CPLANE1: variants seen among roughly 807,000 people sequenced by gnomAD.
CPLANE1 encodes the protein ciliogenesis and planar polarity effector complex subunit 1.
CPLANE1 carries 263 observed loss-of-function variants against 362.5 expected under a neutral mutation model. The observed-to-expected ratio is 0.73, with a 90% CI of 0.66 to 0.80. CPLANE1 has a LOEUF of 0.80. Ranked by LOEUF, CPLANE1 falls within the 30% of genes least tolerant of loss-of-function variation. The pLI, the probability that CPLANE1 is intolerant of heterozygous loss-of-function variation, is 0.00. For missense variants in CPLANE1, 3,461 were observed against 3,793.4 expected, an observed-to-expected ratio of 0.91 and a Z score of 2.30; for synonymous variants, 1,212 against 1,302.6, an observed-to-expected ratio of 0.93 and a Z score of 1.50.
Position 37,187,405 on chromosome 5 carries a change from G to A in CPLANE1, c.4080+9C>T, listed in dbSNP as rs1784377180. 6.2e-7 allele frequency: 1 copy of A among 1,601,666 alleles called. No individual in the cohort carries two copies. The highest frequency in any genetic ancestry group is 1.7e-5 in the Admixed American group (1 of 57,316). Reference sequence around the variant, plus strand: ...TGATGTAGTTTACTTTCACCTACAAGCACATTACCTTTCTGATTGGTGGCA... The same window carrying A: ...TGATGTAGTTTACTTTCACCTACAAACACATTACCTTTCTGATTGGTGGCA... On this transcript the variant is annotated intron_variant, in intron 23 of 52. Transcript: ENST00000651892.
At chr5:37,244,094 C>T (rs911442651) in intron 5 of CPLANE1, among the ~76,000 whole-genome samples, 7 of 152,036 alleles carry the variant, frequency 4.6e-5, no homozygotes, top group Non-Finnish European at 1.0e-4. Flanking sequence ...AGGTGATCCA[C>T]CCGCCTCAGC....
intron 32 of CPLANE1, among the ~76,000 whole-genome samples, chr5:37,172,624 C>T (rs1292247175): frequency 1.3e-5 from 2 of 152,166 alleles, no homozygotes; most frequent in Non-Finnish European, 2.9e-5. Context: ...AAATTAGTTT[C>T]AGTAAGTTTC....
rs886041152 is a variant in CPLANE1 at position 37,169,035 on chromosome 5, T to C, written c.6989A>G (p.Gln2330Arg). The change falls in exon 34 of 53, where the codon CAG becomes CGG. Residue 2330 changes from glutamine to arginine, a missense_variant. By Grantham distance (43) the Gln-to-Arg change is conservative. Around this residue, in one of 2 missense-constraint regions of CPLANE1, gnomAD observed 3,380 missense variants for 3,666.1 expected, o/e 0.92. Transcript: ENST00000651892. The part of the protein sequence containing the change: ...YVGQENLTPQ[Q>R]DSSVFIKPEK... ...TGGTTTTATAAACACTGAAGAGTCC[T>C]GTTGAGGTGTCAAATTTTCTTGTCC... The C allele has an allele frequency of 1.9e-5, 30 of 1,614,078 alleles. No individual in the cohort carries two copies. The highest frequency in any genetic ancestry group is 2.5e-5 in the Non-Finnish European group (29 of 1,180,030).
At chr5:37,154,436 C>A (rs1429618116) in intron 41 of CPLANE1, among the ~76,000 whole-genome samples, 4 of 125,892 alleles carry the variant, frequency 3.2e-5, no homozygotes, top group African/African-American at 1.3e-4. Flanking sequence ...TCAGTTGATT[C>A]TTCTCCCAAA....
chr5:37,184,855 T>C lies in CPLANE1; in HGVS notation c.4414A>G (p.Ser1472Gly). The C allele has an allele frequency of 1.2e-6, 2 of 1,614,124 alleles. No individual in the cohort carries two copies. Among genetic ancestry groups the C allele is most frequent in the South Asian group, 1.1e-5 (1 of 91,078 alleles). ...LTELGDSVVH[S>G]DADTFSEALS... ...GCTTCAGAGAACGTATCTGCATCACTGTGAACCACAGAATCTCCTAGTTCT... is the reference window on the plus strand; with the variant it reads ...GCTTCAGAGAACGTATCTGCATCACCGTGAACCACAGAATCTCCTAGTTCT... Residue 1472 changes from serine to glycine, a missense_variant, in exon 25 of 53, where the codon AGT (serine) becomes GGT (glycine). Ser to Gly is a moderately conservative substitution (Grantham distance 56, BLOSUM62 0). Coordinates refer to ENST00000651892, the MANE Select transcript of CPLANE1 (RefSeq NM_001384732.1).
intron 21 of CPLANE1, among the ~76,000 whole-genome samples, chr5:37,191,041 C>A (rs1181832462): frequency 1.3e-5 from 2 of 151,988 alleles, no homozygotes; most frequent in African/African-American, 4.8e-5. Context: ...TAGAAGAAGG[C>A]ATTGTTATAA....
chr5:37,156,440 T>C (rs1775129625), intron 41 of CPLANE1, among the ~76,000 whole-genome samples: 1 of 151,988 alleles, frequency 6.6e-6, no homozygotes, highest in African/African-American at 2.4e-5. Context: ...CCTGTCTCTA[T>C]GAAAAATTTT....
chr5:37,170,461 T>C, intron 32 of CPLANE1, 130 bp from the exon 33 acceptor site: 1 of 996,960 alleles, frequency 1.0e-6, no homozygotes, highest in Non-Finnish European at 1.4e-6. Flanking sequence ...TCATGAATGC[T>C]GAGCAGGAGG....
chr5:37,208,549 C>T (rs958539717), intron 16 of CPLANE1, among the ~76,000 whole-genome samples: 69 of 152,128 alleles, frequency 4.5e-4, no homozygotes, highest in African/African-American at 1.6e-3. Flanking sequence ...AGGTGGTGGG[C>T]GCCTGTAGTC....
chr5:37,247,039 C>T (rs1242211660), intron 2 of CPLANE1, among the ~76,000 whole-genome samples: 2 of 152,240 alleles, frequency 1.3e-5, no homozygotes, highest in South Asian at 2.1e-4. Flanking sequence ...TTGAGAACTC[C>T]TGTTACAGGG....
At chr5:37,173,286 G>GAAAT (rs1780291512) in intron 32 of CPLANE1, among the ~76,000 whole-genome samples, 2 of 152,294 alleles carry the variant, frequency 1.3e-5, no homozygotes, top group Non-Finnish European at 2.9e-5. Context: ...GATAGTGTCA[G>GAAAT]CTGGAAAATA....
chr5:37,125,099 T>G, intron 47 of CPLANE1, 145 bp downstream of exon 47: 1 of 1,377,146 alleles, frequency 7.3e-7, no homozygotes, highest in South Asian at 1.6e-5. Context: ...TTTATTAACT[T>G]TTCCTGACTT....
At chr5:37,244,712 T>C (rs371179865) in intron 4 of CPLANE1, 105 bp from the exon 5 acceptor site, 32 of 750,020 alleles carry the variant, frequency 4.3e-5, no homozygotes, top group East Asian at 1.1e-4. Context: ...CAAATAATGT[T>C]ACCATTCAGG....
chr5:37,076,565 A>C, the CPLANE1 span, among the ~76,000 whole-genome samples: 4 of 151,866 alleles, frequency 2.6e-5, no homozygotes, highest in South Asian at 8.3e-4. Context: ...ACTCACCTCA[A>C]TCTCCCAAAG....
At chr5:37,126,537 A>C (rs541511060) in intron 46 of CPLANE1, among the ~76,000 whole-genome samples, 1 of 152,302 alleles carries the variant, frequency 6.6e-6, no homozygotes, top group Non-Finnish European at 1.5e-5. Flanking sequence ...GCTGCATCAT[A>C]GTCTGATGCT....
chr5:37,197,530 G>C (rs1018270134), intron 20 of CPLANE1, among the ~76,000 whole-genome samples: 5 of 152,188 alleles, frequency 3.3e-5, no homozygotes, highest in Non-Finnish European at 7.4e-5. Flanking sequence ...ATGTAGCCCC[G>C]CTGCCACCTT....
chr5:37,163,372 AG>A (rs968601094), intron 37 of CPLANE1, among the ~76,000 whole-genome samples: 4 of 152,184 alleles, frequency 2.6e-5, no homozygotes, highest in African/African-American at 7.2e-5. Context: ...AGAACATAGG[AG>A]GAAAAAACAG....
chr5:37,134,412 C>T (rs1580026099), intron 46 of CPLANE1, among the ~76,000 whole-genome samples: 1 of 152,150 alleles, frequency 6.6e-6, no homozygotes, highest in East Asian at 1.9e-4. Context: ...TCTAGATTTT[C>T]TACTTTGTGC....
Position 37,138,728 on chromosome 5 carries a change from G to T in CPLANE1, c.8784C>A (p.Gly2928=). The change falls in exon 46 of 53, where the codon GGC becomes GGA. Residue 2928 remains glycine, a synonymous_variant. Coordinates refer to ENST00000651892, the MANE Select transcript of CPLANE1 (RefSeq NM_001384732.1). The part of the protein sequence containing the change: ...EELGLTEQAM[G]TSRIQHYSGR... ...AATTATTCAATGATTACCTGGAGGT[G>T]CCCATAGCTTGTTCTGTTAAGCCAA... 6.2e-7 allele frequency: 1 copy of T among 1,609,186 alleles called. No individual in the cohort carries two copies. The highest frequency in any genetic ancestry group is 1.1e-5 in the South Asian group (1 of 89,468).
Sources: gnomAD v4.1 joint callset for allele counts (sites outside exome capture counted in the v4.1 genomes callset) on GRCh38, gnomAD v4.1.1 for gene constraint, gnomAD v4.1.1 regional missense constraint, MANE v1.5 for transcripts, NCBI Gene and HGNC (gene_info 2026-07-23, HGNC 2026-07-21) for gene names.